The following ZNF710 variants were observed in gnomAD, a reference collection of about 807,000 sequenced individuals.
ZNF710 encodes the protein zinc finger protein 710.
A neutral mutation model predicts 50.6 loss-of-function variants in ZNF710; 13 were observed. The ratio of observed to expected loss-of-function variants is 0.26; its 90% confidence interval spans 0.17 to 0.41. ZNF710 has a LOEUF of 0.41. Among genes scored for constraint, ZNF710 ranks in the 10% least tolerant of loss-of-function variants. The probability of loss-of-function intolerance (pLI) is 1.00; values close to 1 mark genes in which losing one functional copy is unlikely to be tolerated. For missense variants in ZNF710, 721 were observed against 936.6 expected (o/e 0.77, Z 3.01); for synonymous variants, 383 against 397.0 (o/e 0.96, Z 0.42).
At chr15:90,027,245 C>G (rs568670651) in intron 1 of ZNF710, among the ~76,000 whole-genome samples, 1 of 152,016 alleles carries the variant, frequency 6.6e-6, no homozygotes, top group African/African-American at 2.4e-5. Flanking sequence ...GAGTCTTGCT[C>G]TGTCGCCCAG....
At position 90,079,604 on chromosome 15, in the gene ZNF710, T is replaced by A. The variant is rs1306156023; in HGVS notation, c.1826-56T>A. On this transcript the variant is annotated intron_variant, in intron 4 of 4. Transcript: ENST00000268154. The stretch of plus-strand genomic sequence containing the variant: ...AGGCCATCAGCTTCCTGCGTGGGGG[T>A]GACTGGCTCCTCCCGAGAGATGGCA... 11 of 1,585,778 alleles carry A rather than the reference T, an allele frequency of 6.9e-6. No homozygotes were observed. In the African/African-American group the frequency reaches 1.5e-4, roughly 22 times the overall value.
At chr15:90,063,129 G>T (rs1900062495) in intron 1 of ZNF710, among the ~76,000 whole-genome samples, 1 of 152,140 alleles carries the variant, frequency 6.6e-6, no homozygotes, top group Non-Finnish European at 1.5e-5. Context: ...GTTTGCCCAG[G>T]TCGTGCCTAC....
rs190775054 is a variant in ZNF710 at position 90,064,933 on chromosome 15, A to T, written c.-28-2177A>T. On this transcript the variant is annotated intron_variant, in intron 1 of 4. Coordinates refer to ENST00000268154, the MANE Select transcript of ZNF710 (RefSeq NM_198526.4). ...ATAGGGAAACTGAGCCACTGGCATG[A>T]CTTTGCTTAGTCACTTGCAAGTGAC... 1.1e-4 allele frequency among the ~76,000 whole-genome samples: 16 copies of T among 152,148 alleles called. No individual in the cohort carries two copies. In the East Asian group the frequency reaches 2.9e-3, roughly 28 times the overall value.
At chr15:90,045,798 C>T (rs75853366) in intron 1 of ZNF710, among the ~76,000 whole-genome samples, 47 of 152,132 alleles carry the variant, frequency 3.1e-4, no homozygotes, top group Non-Finnish European at 6.2e-4. Context: ...AGGGTTGCAG[C>T]GGGCTGTGGT....
intron 1 of ZNF710, among the ~76,000 whole-genome samples, chr15:90,037,467 G>C (rs891932254): frequency 6.6e-6 from 1 of 152,202 alleles, no homozygotes; most frequent in African/African-American, 2.4e-5. Context: ...AACTAGGGGA[G>C]CACTAAGCAT....
intron 1 of ZNF710, among the ~76,000 whole-genome samples, chr15:90,049,571 A>C (rs555940273): frequency 9.7e-4 from 148 of 152,278 alleles, no homozygotes; most frequent in African/African-American, 3.4e-3. Flanking sequence ...AGGGCTTCCA[A>C]GCTCCTACAG....
intron 1 of ZNF710, among the ~76,000 whole-genome samples, chr15:90,021,811 C>T (rs1052532028): frequency 2.0e-5 from 3 of 152,112 alleles, no homozygotes; most frequent in African/African-American, 7.2e-5. Context: ...GGGGACCAGG[C>T]GTGGTGGCTC....
intron 1 of ZNF710, among the ~76,000 whole-genome samples, chr15:90,035,177 G>A (rs534192464): frequency 9.8e-5 from 15 of 152,354 alleles, no homozygotes; most frequent in South Asian, 6.2e-4. Flanking sequence ...ACCACTTCAC[G>A]TGGGGACCTG....
chr15:90,026,301 T>C (rs1957378281), intron 1 of ZNF710, among the ~76,000 whole-genome samples: 1 of 144,880 alleles, frequency 6.9e-6, no homozygotes. Context: ...AAAGGGGACA[T>C]TGCAATAGAT....
chr15:90,026,473 G>T (rs2151480043), intron 1 of ZNF710, among the ~76,000 whole-genome samples: 1 of 152,110 alleles, frequency 6.6e-6, no homozygotes, highest in East Asian at 1.9e-4. Context: ...AAAGACACTG[G>T]TCCCAAGTGT....
chr15:90,025,122 G>A (rs1410396003), intron 1 of ZNF710: 1 of 152,170 alleles, frequency 6.6e-6, no homozygotes, highest in Non-Finnish European at 1.5e-5. Flanking sequence ...TGAGAGTAGG[G>A]GACGTGGAGG....
chr15:90,001,038 C>T (rs1038557343), upstream of ZNF710, among the ~76,000 whole-genome samples: 1 of 151,614 alleles, frequency 6.6e-6, no homozygotes, highest in African/African-American at 2.4e-5. Flanking sequence ...AAAGGCGTGA[C>T]TTGATTTTCA....
chr15:90,070,140 G>T (rs1047318467), intron 2 of ZNF710, among the ~76,000 whole-genome samples: 2 of 152,184 alleles, frequency 1.3e-5, no homozygotes, highest in African/African-American at 4.8e-5. Flanking sequence ...CCAGCAATTT[G>T]TAGGTTTCAT....
upstream of ZNF710, among the ~76,000 whole-genome samples, chr15:90,000,260 C>T (rs1445736029): frequency 1.3e-5 from 2 of 152,206 alleles, no homozygotes; most frequent in Non-Finnish European, 2.9e-5. Flanking sequence ...CGGCACTGCC[C>T]GGCTCTGTCC....
In ZNF710 at chr15:90,068,565, C is replaced by T. The variant is rs1900271417; in HGVS notation, c.1428C>T (p.His476=). 1.1e-5 allele frequency: 17 copies of T among 1,605,842 alleles called. No homozygotes were observed. Among genetic ancestry groups the T allele is most frequent in the Non-Finnish European group, 1.4e-5 (17 of 1,178,296 alleles). ...GCGGCATGGAGTTCAGCCAGATTCACCACCTCAAGCAGCACTCCCTCACCC... is the reference window on the plus strand; with the variant it reads ...GCGGCATGGAGTTCAGCCAGATTCATCACCTCAAGCAGCACTCCCTCACCC... ...TECGMEFSQI[H]HLKQHSLTHK... The change falls in exon 2 of 5, where the codon CAC becomes CAT. Residue 476 remains histidine (H), a synonymous_variant. Coordinates refer to ENST00000268154, the MANE Select transcript of ZNF710 (RefSeq NM_198526.4). This position sits in a 1 kb window ranked among gnomAD's most constrained non-coding sequence, Gnocchi z 5.0.
intron 1 of ZNF710, among the ~76,000 whole-genome samples, chr15:90,013,193 C>T (rs1000422964): frequency 3.3e-5 from 5 of 152,068 alleles, no homozygotes; most frequent in Non-Finnish European, 7.4e-5. Context: ...CCACCTCCCC[C>T]GGGTTCAAGT....
At chr15:90,008,465 T>TATATATATATATATATATATATAC (rs1567218501) in intron 1 of ZNF710, among the ~76,000 whole-genome samples, 3 of 137,266 alleles carry the variant, frequency 2.2e-5, no homozygotes, top group African/African-American at 9.7e-5. Flanking sequence ...TATATATATA[T>TATATATATATATATATATATATAC]ACATGAAGTA....
At chr15:90,064,191 T>C (rs1238094168) in intron 1 of ZNF710, among the ~76,000 whole-genome samples, 1 of 152,256 alleles carries the variant, frequency 6.6e-6, no homozygotes, top group Non-Finnish European at 1.5e-5. Flanking sequence ...GCAGCCATGC[T>C]CCTCAGCGTG....
At chr15:90,069,439 G>C (rs776419200) in intron 2 of ZNF710, among the ~76,000 whole-genome samples, 2 of 151,634 alleles carry the variant, frequency 1.3e-5, no homozygotes, top group South Asian at 2.1e-4. Flanking sequence ...TATAACCCCT[G>C]CAAGACCCAA....
Sources: gnomAD v4.1 joint callset for allele counts (sites outside exome capture counted in the v4.1 genomes callset) on GRCh38, gnomAD v4.1.1 for gene constraint, Gnocchi (gnomAD v3.1) non-coding constraint, MANE v1.5 for transcripts, NCBI Gene and HGNC (gene_info 2026-07-23, HGNC 2026-07-21) for gene names.